SERPINE2: variants seen among roughly 807,000 people sequenced by gnomAD.
SERPINE2 encodes the protein glia-derived nexin.
A neutral mutation model predicts 36.3 loss-of-function variants in SERPINE2; 14 were observed. The observed-to-expected ratio is 0.39, with a 90% confidence interval of 0.25 to 0.60. The LOEUF is 0.60. Among genes scored for constraint, SERPINE2 ranks in the 20% least tolerant of loss-of-function variants. The pLI, the probability that SERPINE2 is intolerant of heterozygous loss-of-function variation, is 0.57. For synonymous variants in SERPINE2, 192 were observed against 191.8 expected, an observed-to-expected ratio of 1.00 and a Z score of -0.01; for missense variants, 418 against 499.6, an observed-to-expected ratio of 0.84 and a Z score of 1.56.
chr2:224,023,733 T>C (rs1692087964), intron 1 of SERPINE2, among the ~76,000 whole-genome samples: 2 of 152,246 alleles, frequency 1.3e-5, no homozygotes. Flanking sequence ...ATTTCCCATC[T>C]TTTATTAGGT....
intron 1 of SERPINE2, chr2:224,030,899 T>C: frequency 1.1e-6 from 1 of 926,262 alleles, no homozygotes; most frequent in South Asian, 5.0e-5. Context: ...TAATTTTAGA[T>C]TTCAGTCCCA....
chr2:224,000,696 C>T (rs1171905103), intron 2 of SERPINE2, among the ~76,000 whole-genome samples: 2 of 152,072 alleles, frequency 1.3e-5, no homozygotes, highest in Non-Finnish European at 2.9e-5. Context: ...TGCCTTCCAC[C>T]CCTCGACAGG....
intron 3 of SERPINE2, among the ~76,000 whole-genome samples, chr2:223,996,501 G>A (rs556088122): frequency 1.3e-5 from 2 of 152,250 alleles, no homozygotes; most frequent in East Asian, 3.9e-4. Context: ...AGCCTTCTTT[G>A]TCCACCTCTT....
At chr2:223,989,903 T>C (rs1340336639) in intron 4 of SERPINE2, among the ~76,000 whole-genome samples, 2 of 152,084 alleles carry the variant, frequency 1.3e-5, no homozygotes, top group Non-Finnish European at 2.9e-5. Context: ...TTGTAAAGCA[T>C]AGACAGGATA....
rs1412983989 is a variant in SERPINE2 at position 223,975,230 on chromosome 2, G to GT, written c.*636dup. On this transcript the variant is annotated 3_prime_UTR_variant, in exon 9 of 9. Coordinates refer to ENST00000409304, the MANE Select transcript of SERPINE2 (RefSeq NM_001136528.2). ...ATGCAAATCCAAGGAGTACAGACCA[G>GT]TAGTGACAGGCACACTGCACAACAG... The GT allele has an allele frequency of 6.6e-6, 1 of 152,586 alleles. No individual in the cohort carries two copies. Among genetic ancestry groups the GT allele is most frequent in the Non-Finnish European group, 1.5e-5 (1 of 68,044 alleles). 9.5% of individuals were successfully genotyped at this position (152,586 alleles called of 1,614,324 possible). A position where few individuals can be genotyped will look rare whatever the true frequency, so the allele number is the denominator to read the frequency against.
chr2:224,032,810 C>T (rs774718051), intron 1 of SERPINE2, among the ~76,000 whole-genome samples: 2 of 152,160 alleles, frequency 1.3e-5, no homozygotes, highest in South Asian at 4.1e-4. Flanking sequence ...CCAAAACATA[C>T]GAGTGGAATT....
intron 1 of SERPINE2, among the ~76,000 whole-genome samples, chr2:224,020,472 A>G (rs2106190772): frequency 6.6e-6 from 1 of 152,302 alleles, no homozygotes; most frequent in Admixed American, 6.5e-5. Flanking sequence ...AAACCCAGGA[A>G]TGAAATGTGA....
chr2:224,005,225 TAAATTTTCG>T (rs1691379658), intron 1 of SERPINE2, among the ~76,000 whole-genome samples: 1 of 151,550 alleles, frequency 6.6e-6, no homozygotes, highest in South Asian at 2.1e-4. Flanking sequence ...TGCTTCATTA[TAAATTTTCG>T]CTAAAAGAAC....
chr2:224,029,016 G>C (rs1324293226), intron 1 of SERPINE2, among the ~76,000 whole-genome samples: 1 of 152,202 alleles, frequency 6.6e-6, no homozygotes, highest in Admixed American at 6.5e-5. Flanking sequence ...TTTCCACTAT[G>C]CTAAATTAAT....
At chr2:224,035,617 G>C (rs865161) in intron 1 of SERPINE2, among the ~76,000 whole-genome samples, 147,743 of 152,282 alleles carry the variant, frequency 0.97, 71,821 homozygotes, top group Non-Finnish European at 0.99. Flanking sequence ...GATCCGCCTG[G>C]TTCAGCCTCC....
chr2:223,996,493 C>T (rs536191029), intron 3 of SERPINE2, among the ~76,000 whole-genome samples: 1 of 152,200 alleles, frequency 6.6e-6, no homozygotes, highest in Non-Finnish European at 1.5e-5. Flanking sequence ...CTCCCTGGAG[C>T]CTTCTTTGTC....
chr2:224,022,040 T>A (rs868300216), intron 1 of SERPINE2, among the ~76,000 whole-genome samples: 7 of 151,422 alleles, frequency 4.6e-5, no homozygotes, highest in South Asian at 4.2e-4. Flanking sequence ...GCGCCTGTAG[T>A]CCCAGCTACT....
intron 3 of SERPINE2, among the ~76,000 whole-genome samples, chr2:223,992,938 C>G (rs1380141139): frequency 6.6e-6 from 1 of 151,994 alleles, no homozygotes; most frequent in African/African-American, 2.4e-5. Flanking sequence ...ATAGCTAGAC[C>G]CCATCTCTAG....
rs1409387965 is a variant in SERPINE2 at position 223,975,895 on chromosome 2, AAC to A, written c.1164_1165del (p.Leu389IlefsTer35). 6.3e-7 allele frequency: 1 copy of A among 1,598,038 alleles called. No homozygotes were observed. Among genetic ancestry groups the A allele is most frequent in the Admixed American group, 1.7e-5 (1 of 59,792 alleles). On this transcript the variant is annotated frameshift_variant, in exon 9 of 9. Coordinates refer to ENST00000409304, the MANE Select transcript of SERPINE2 (RefSeq NM_001136528.2). LOFTEE classifies it high-confidence loss of function. The stretch of plus-strand genomic sequence containing the variant: ...GGGTTTGTTTATCTGCCCCATGAAT[AAC>A]ACAGCACCTACAGAATTAAAAGAAA...
At chr2:224,005,098 A>ATTATATATATATATAT (rs1559209284) in intron 1 of SERPINE2, among the ~76,000 whole-genome samples, 1 of 115,780 alleles carries the variant, frequency 8.6e-6, no homozygotes, top group East Asian at 2.4e-4. Flanking sequence ...TATATATATA[A>ATTATATATATATATAT]AACATTGTAA....
chr2:223,976,873 C>G (rs1017914739), intron 8 of SERPINE2, among the ~76,000 whole-genome samples: 1 of 152,302 alleles, frequency 6.6e-6, no homozygotes, highest in East Asian at 1.9e-4. Context: ...AATCTTGCCT[C>G]GAATTGTTAA....
In SERPINE2 at chr2:224,001,474, C is replaced by T. The variant is rs762602267; in HGVS notation, c.259+168G>A. ...CTAGTTCTCCTAACTGCCAGCACCA[C>T]AGTGTTTGTTCTTTAGAAGAGACTG... On this transcript the variant is annotated intron_variant, in intron 2 of 8. Coordinates refer to ENST00000409304, the MANE Select transcript of SERPINE2 (RefSeq NM_001136528.2). 4.8e-4 allele frequency: 317 copies of T among 661,778 alleles called. 1 individual carries two copies. The highest frequency in any genetic ancestry group is 2.6e-3 in the Middle Eastern group (6 of 2,274). 41.0% of individuals were successfully genotyped at this position (661,778 alleles called of 1,614,324 possible). A position where few individuals can be genotyped will look rare whatever the true frequency, so the allele number is the denominator to read the frequency against.
chr2:224,018,590 CA>C (rs35298522), intron 1 of SERPINE2, among the ~76,000 whole-genome samples: 3,682 of 130,244 alleles, frequency 0.028, 140 homozygotes, highest in African/African-American at 0.093. Context: ...CAGTACTTCT[CA>C]AAAAAAAAAA....
At chr2:224,006,089 C>A (rs77549689) in intron 1 of SERPINE2, among the ~76,000 whole-genome samples, 3 of 152,118 alleles carry the variant, frequency 2.0e-5, no homozygotes, top group African/African-American at 7.2e-5. Flanking sequence ...CAAAATATAA[C>A]CCTAACATTT....
Sources: gnomAD v4.1 joint callset for allele counts (sites outside exome capture counted in the v4.1 genomes callset) on GRCh38, gnomAD v4.1.1 for gene constraint, MANE v1.5 for transcripts, NCBI Gene and HGNC (gene_info 2026-07-23, HGNC 2026-07-21) for gene names.